PARM1: variants seen among roughly 807,000 people sequenced by gnomAD.
The protein encoded by PARM1 is WSC4, cell wall integrity and stress response component 4 homolog.
PARM1 carries 14 observed loss-of-function variants against 24.6 expected under a neutral mutation model. That is an observed-to-expected ratio of 0.57 (90% CI 0.38 to 0.89). PARM1 has a LOEUF of 0.89. PARM1 is among the 40% of genes least tolerant of loss of function. The pLI, the probability that PARM1 is intolerant of heterozygous loss-of-function variation, is 0.00. For missense variants in PARM1, 362 were observed against 380.4 expected, an observed-to-expected ratio of 0.95 and a Z score of 0.40; for synonymous variants, 179 against 156.6, an observed-to-expected ratio of 1.14 and a Z score of -1.07.
intron 1 of PARM1, chr4:74,993,836 T>G (rs941103231): frequency 3.9e-5 from 6 of 152,184 alleles, no homozygotes; most frequent in Admixed American, 1.3e-4. Flanking sequence ...TTGATTGTGG[T>G]GATGTTTTCA....
chr4:74,986,752 A>G (rs999083522), intron 1 of PARM1, among the ~76,000 whole-genome samples: 7 of 152,172 alleles, frequency 4.6e-5, no homozygotes, highest in Non-Finnish European at 7.3e-5. Context: ...TTCAATGGAA[A>G]AAAATGACCT....
At chr4:75,016,951 A>C (rs998830082) in intron 2 of PARM1, among the ~76,000 whole-genome samples, 19 of 152,130 alleles carry the variant, frequency 1.2e-4, no homozygotes, top group African/African-American at 4.1e-4. Flanking sequence ...GGCATCTCAC[A>C]CTTAATATGT....
intron 1 of PARM1, among the ~76,000 whole-genome samples, chr4:75,001,719 T>C (rs1326366788): frequency 6.6e-6 from 1 of 152,074 alleles, no homozygotes; most frequent in African/African-American, 2.4e-5. Context: ...TAGAAGAAAA[T>C]GGTGGCAGAG....
chr4:74,953,019 C>T (rs1028702404), intron 1 of PARM1, among the ~76,000 whole-genome samples: 2 of 152,058 alleles, frequency 1.3e-5, no homozygotes, highest in African/African-American at 4.8e-5. Context: ...ATTCACTTTC[C>T]CTCCCCACAA....
At chr4:75,034,038 C>CCTA in intron 3 of PARM1, 77 bp downstream of exon 3, 2 of 1,184,988 alleles carry the variant, frequency 1.7e-6, no homozygotes, top group Non-Finnish European at 2.4e-6. Context: ...TTGCTGGATA[C>CCTA]TTGTTCCTTA....
At chr4:74,973,189 G>T (rs1287327462) in intron 1 of PARM1, among the ~76,000 whole-genome samples, 1 of 151,896 alleles carries the variant, frequency 6.6e-6, no homozygotes, top group Non-Finnish European at 1.5e-5. Context: ...TTTGATTTTT[G>T]ATTTTGTTCT....
At chr4:74,938,716 G>A (rs1721242548) in intron 1 of PARM1, among the ~76,000 whole-genome samples, 1 of 152,118 alleles carries the variant, frequency 6.6e-6, no homozygotes, top group South Asian at 2.1e-4. Context: ...ATGTAACATT[G>A]TATTTTCTGA....
At chr4:75,046,057 C>A in intron 3 of PARM1, 106 bp from the exon 4 acceptor site, 1 of 703,106 alleles carries the variant, frequency 1.4e-6, no homozygotes, top group East Asian at 2.7e-5. Flanking sequence ...ACAACTTTCC[C>A]TCTCCCTGGC....
At chr4:75,005,442 C>G (rs1306239058) in intron 1 of PARM1, among the ~76,000 whole-genome samples, 2 of 152,152 alleles carry the variant, frequency 1.3e-5, no homozygotes, top group African/African-American at 4.8e-5. Context: ...CTCATGGAAT[C>G]CAGGAAAAGG....
At chr4:75,034,567 A>T (rs1223626945) in intron 3 of PARM1, among the ~76,000 whole-genome samples, 1 of 152,226 alleles carries the variant, frequency 6.6e-6, no homozygotes, top group Non-Finnish European at 1.5e-5. Context: ...TCTTTAGCCT[A>T]ATAGGAAGTT....
At chr4:74,965,283 A>G (rs1721874119) in intron 1 of PARM1, 1 of 152,216 alleles carries the variant, frequency 6.6e-6, no homozygotes, top group Admixed American at 6.5e-5. Flanking sequence ...ACTTCTGCGC[A>G]GATAGTCTTC....
chr4:74,945,930 G>T (rs1456259926), intron 1 of PARM1, among the ~76,000 whole-genome samples: 1 of 152,192 alleles, frequency 6.6e-6, no homozygotes, highest in African/African-American at 2.4e-5. Flanking sequence ...AGGTGTGACT[G>T]GGGAGAGGGC....
At chr4:74,991,044 AT>A (rs1722457220) in intron 1 of PARM1, among the ~76,000 whole-genome samples, 2 of 152,118 alleles carry the variant, frequency 1.3e-5, no homozygotes, top group South Asian at 4.1e-4. Context: ...AGTAATATAT[AT>A]TTTCAACATG....
chr4:74,948,023 C>T (rs1430378793), intron 1 of PARM1, among the ~76,000 whole-genome samples: 1 of 152,226 alleles, frequency 6.6e-6, no homozygotes, highest in African/African-American at 2.4e-5. Flanking sequence ...TTTCAGGCCT[C>T]TCTGCCTTTG....
chr4:75,036,134 T>A (rs1053892877), intron 3 of PARM1, among the ~76,000 whole-genome samples: 1 of 152,188 alleles, frequency 6.6e-6, no homozygotes, highest in African/African-American at 2.4e-5. Flanking sequence ...GAATCACCAA[T>A]GATGAGTTCC....
At chr4:74,992,149 C>T (rs1036977746) in intron 1 of PARM1, among the ~76,000 whole-genome samples, 13 of 152,072 alleles carry the variant, frequency 8.5e-5, no homozygotes, top group South Asian at 6.2e-4. Flanking sequence ...GGGACCTCCC[C>T]GTGTTCAGCT....
At chr4:74,947,718 ATGAC>A (rs1198335625) in intron 1 of PARM1, among the ~76,000 whole-genome samples, 1 of 152,202 alleles carries the variant, frequency 6.6e-6, no homozygotes, top group African/African-American at 2.4e-5. Context: ...TATAGGAAAA[ATGAC>A]TGTGAGTTAA....
In PARM1 at chr4:75,049,836, T is replaced by G. The variant is rs1723682081; in HGVS notation, c.*3589T>G. On this transcript the variant is annotated 3_prime_UTR_variant, in exon 4 of 4. Transcript: ENST00000307428. ...GCCAGATGCTAATTTGCACGTTGAT[T>G]CACCTTCTTTGCCTTTAAGCCTTTT... The G allele has an allele frequency of 6.6e-6, 1 of 152,044 alleles. No individual in the cohort carries two copies. Among genetic ancestry groups the G allele is most frequent in the Non-Finnish European group, 1.5e-5 (1 of 67,922 alleles). The allele number at this position is 152,044 out of a possible 1,614,324, so 9.4% of individuals were successfully genotyped here. A position where few individuals can be genotyped will look rare whatever the true frequency, so the allele number is the denominator to read the frequency against.
At chr4:74,993,080 G>T (rs1722510478) in intron 1 of PARM1, among the ~76,000 whole-genome samples, 1 of 152,130 alleles carries the variant, frequency 6.6e-6, no homozygotes, top group Admixed American at 6.5e-5. Context: ...CTTATGAATA[G>T]AATATGCCAA....
Sources: gnomAD v4.1 joint callset for allele counts (sites outside exome capture counted in the v4.1 genomes callset) on GRCh38, gnomAD v4.1.1 for gene constraint, MANE v1.5 for transcripts, NCBI Gene and HGNC (gene_info 2026-07-23, HGNC 2026-07-21) for gene names.